Variants in PBX3 observed in about 807,000 individuals in gnomAD.
PBX3 encodes pre-B-cell leukemia transcription factor 3.
In PBX3, 14 loss-of-function variants were observed where a neutral mutation model predicts 48.5. The observed-to-expected ratio is 0.29, with a 90% CI of 0.19 to 0.45. The LOEUF (loss-of-function observed/expected upper bound fraction) is 0.45, where lower values mean the gene tolerates loss of function less well. PBX3 is among the 20% of genes least tolerant of loss of function. The pLI, the probability that PBX3 is intolerant of heterozygous loss-of-function variation, is 1.00. For missense variants in PBX3, 386 were observed against 546.7 expected (o/e 0.71, Z 2.93); for synonymous variants, 210 against 200.3 (o/e 1.05, Z -0.41).
chr9:125,957,243 TTCC>T (rs1842329347), intron 5 of PBX3, among the ~76,000 whole-genome samples: 4 of 152,250 alleles, frequency 2.6e-5, no homozygotes, highest in Admixed American at 1.3e-4. Context: ...CTTTCATTGC[TTCC>T]AATTAAACCT....
intron 5 of PBX3, among the ~76,000 whole-genome samples, chr9:125,958,345 G>A (rs1393310350): frequency 6.6e-6 from 1 of 152,138 alleles, no homozygotes; most frequent in Non-Finnish European, 1.5e-5. Flanking sequence ...ACTTCCTCCT[G>A]TTGCCACATC....
chr9:125,932,322 A>T (rs1841735939), intron 4 of PBX3, among the ~76,000 whole-genome samples: 1 of 152,074 alleles, frequency 6.6e-6, no homozygotes, highest in Non-Finnish European at 1.5e-5. Context: ...CTTCCCTTGA[A>T]CACTTATACT....
chr9:125,918,179 A>T (rs773301710), intron 3 of PBX3, among the ~76,000 whole-genome samples: 7 of 152,154 alleles, frequency 4.6e-5, no homozygotes, highest in Non-Finnish European at 8.8e-5. Flanking sequence ...GTGATTCCTT[A>T]CTACCTCTTG....
intron 2 of PBX3, among the ~76,000 whole-genome samples, chr9:125,802,359 ATTT>A (rs57805307): frequency 3.0e-5 from 2 of 67,718 alleles, no homozygotes; most frequent in African/African-American, 5.3e-5. Context: ...ACATTAGTGC[ATTT>A]TTTTTTTTTT....
At chr9:125,760,750 A>G (rs1196620276) in intron 2 of PBX3, among the ~76,000 whole-genome samples, 2 of 152,186 alleles carry the variant, frequency 1.3e-5, no homozygotes, top group Admixed American at 1.3e-4. Flanking sequence ...TTTTCTGTGC[A>G]TATAAGTACC....
At chr9:125,954,780 G>T (rs572548138) in intron 5 of PBX3, among the ~76,000 whole-genome samples, 1 of 152,086 alleles carries the variant, frequency 6.6e-6, no homozygotes, top group Non-Finnish European at 1.5e-5. Flanking sequence ...CTCGTGATCC[G>T]CCCGCCTCGG....
chr9:125,747,769 C>G (rs767520061), intron 1 of PBX3, 116 bp downstream of exon 1: 996 of 770,000 alleles, frequency 1.3e-3, no homozygotes, highest in Non-Finnish European at 1.7e-3. Flanking sequence ...GGGGAACTTT[C>G]TCCGAAAGCC....
At chr9:125,809,874 C>T (rs918105059) in intron 2 of PBX3, among the ~76,000 whole-genome samples, 8 of 151,968 alleles carry the variant, frequency 5.3e-5, no homozygotes, top group Middle Eastern at 3.2e-3. Flanking sequence ...GAACAAAAAA[C>T]TTGAATGGGA....
At chr9:125,869,431 A>T (rs935519405) in intron 2 of PBX3, among the ~76,000 whole-genome samples, 2 of 152,202 alleles carry the variant, frequency 1.3e-5, no homozygotes, top group Admixed American at 6.5e-5. Context: ...GGTGAATTCT[A>T]ACTGGGATGA....
chr9:125,750,385 T>C (rs987167600), intron 2 of PBX3, among the ~76,000 whole-genome samples: 1 of 152,224 alleles, frequency 6.6e-6, no homozygotes, highest in Non-Finnish European at 1.5e-5. Context: ...GCAAACTGCT[T>C]TTCATGTTGA....
At chr9:125,899,267 AAATATACATATGTATATATATTTATATAT>A (rs1840858482) in intron 2 of PBX3, among the ~76,000 whole-genome samples, 1 of 129,236 alleles carries the variant, frequency 7.7e-6, no homozygotes, top group South Asian at 2.3e-4. Context: ...ATTTATATAT[AAATATACATATGTATATATATTTATATAT>A]AAATATACAT....
intron 2 of PBX3, among the ~76,000 whole-genome samples, chr9:125,835,765 G>T (rs775339915): frequency 6.6e-6 from 1 of 152,144 alleles, no homozygotes; most frequent in Non-Finnish European, 1.5e-5. Context: ...TGTAGTTAGT[G>T]CATTCACTAT....
At chr9:125,935,655 C>A (rs781741220) in intron 5 of PBX3, 48 bp downstream of exon 5, 3 of 1,530,356 alleles carry the variant, frequency 2.0e-6, no homozygotes, top group Non-Finnish European at 2.7e-6. Flanking sequence ...GAGACAGGAA[C>A]CTCATTCCTT....
intron 2 of PBX3, among the ~76,000 whole-genome samples, chr9:125,899,292 TATATAA>T (rs1272058127): frequency 8.3e-6 from 1 of 121,022 alleles, no homozygotes; most frequent in South Asian, 2.4e-4. Context: ...TATATATTTA[TATATAA>T]ATATACATAT....
At chr9:125,926,686 G>GGCACACGCCTGTAATCCCA (rs1416270868) in intron 3 of PBX3, among the ~76,000 whole-genome samples, 1 of 152,118 alleles carries the variant, frequency 6.6e-6, no homozygotes, top group Admixed American at 6.5e-5. Flanking sequence ...CGGGCATGGT[G>GGCACACGCCTGTAATCCCA]GCACACGCCT....
At chr9:125,832,276 A>G (rs1838984551) in intron 2 of PBX3, among the ~76,000 whole-genome samples, 1 of 151,796 alleles carries the variant, frequency 6.6e-6, no homozygotes, top group Non-Finnish European at 1.5e-5. Flanking sequence ...GCTGACTGCA[A>G]GCTCTGCCTC....
chr9:125,903,781 C>A (rs1195265603), intron 2 of PBX3, among the ~76,000 whole-genome samples: 1 of 151,782 alleles, frequency 6.6e-6, no homozygotes, highest in Non-Finnish European at 1.5e-5. Context: ...TTCTGTAAGG[C>A]ATTTACTCTG....
chr9:125,873,540 A>G, intron 2 of PBX3, among the ~76,000 whole-genome samples: 1 of 152,206 alleles, frequency 6.6e-6, no homozygotes, highest in East Asian at 1.9e-4. Context: ...AAATGTAACT[A>G]AAAAATAAGT....
intron 5 of PBX3, among the ~76,000 whole-genome samples, chr9:125,940,138 C>A (rs967277811): frequency 6.6e-6 from 1 of 151,572 alleles, no homozygotes; most frequent in Non-Finnish European, 1.5e-5. Context: ...GAGCCAAGAT[C>A]GTGCCATTGC....
Sources: allele counts gnomAD v4.1 joint callset (sites outside exome capture counted in the v4.1 genomes callset), GRCh38; gene constraint gnomAD v4.1.1; transcripts MANE v1.5; gene names NCBI Gene and HGNC (gene_info 2026-07-23, HGNC 2026-07-21).